Variants in ARHGAP39 observed in about 807,000 individuals in gnomAD.
ARHGAP39 encodes Rho GTPase activating protein 39, also known as rho GTPase-activating protein 39.
A neutral mutation model predicts 106.9 loss-of-function variants in ARHGAP39; 44 were observed. The observed-to-expected ratio is 0.41, with a 90% confidence interval of 0.32 to 0.53. The LOEUF (loss-of-function observed/expected upper bound fraction) is 0.53. Among genes scored for constraint, ARHGAP39 ranks in the 20% least tolerant of loss-of-function variants. ARHGAP39 has a pLI of 0.21. For synonymous variants in ARHGAP39, 768 were observed against 693.2 expected (o/e 1.11, Z -1.69); for missense variants, 1,496 against 1,577.3 (o/e 0.95, Z 0.87).
intron 1 of ARHGAP39, among the ~76,000 whole-genome samples, chr8:144,619,785 C>T (rs143924401): frequency 6.7e-4 from 84 of 125,346 alleles, no homozygotes; most frequent in Admixed American, 2.1e-3. Flanking sequence ...AGCCTGTGTC[C>T]GAGAGAGCGC....
Position 144,545,621 on chromosome 8 carries a change from C to T in ARHGAP39, c.2149G>A (p.Ala717Thr), listed in dbSNP as rs182759634. 1.2e-5 allele frequency: 20 copies of T among 1,613,650 alleles called. No homozygotes were observed. Among genetic ancestry groups the T allele is most frequent in the Middle Eastern group, 1.6e-4 (1 of 6,062 alleles). Reference protein sequence around the residue: ...QGLFRRKVSIANMLAWSSESI... With the variant: ...QGLFRRKVSITNMLAWSSESI... Reference sequence around the variant, plus strand: ...TCGCTGCTCCAGGCCAGCATGTTGGCGATGGACACCTTCCGCCGGAAGAGG... The same window carrying T: ...TCGCTGCTCCAGGCCAGCATGTTGGTGATGGACACCTTCCGCCGGAAGAGG... The change falls in exon 6 of 12, where the codon GCC (alanine) becomes ACC (threonine). Residue 717 changes from alanine (A) to threonine (T), a missense_variant. By Grantham distance (58) the Ala-to-Thr change is moderately conservative. Transcript: ENST00000377307.
Position 144,548,462 on chromosome 8 carries a change from G to A in ARHGAP39, c.624C>T (p.Gly208=), listed in dbSNP as rs1817568986. The change falls in exon 5 of 12, where the codon GGC becomes GGT. Residue 208 remains glycine, a synonymous_variant. Transcript: ENST00000377307. This position sits in a 1 kb window ranked among gnomAD's most constrained non-coding sequence, Gnocchi z 7.4. The part of the protein sequence containing the change: ...YRTSSLRWNS[G]AKERMLIKVA... The stretch of plus-strand genomic sequence containing the variant: ...CCTTGATGAGCATGCGCTCTTTGGC[G>A]CCCGAGTTCCACCGCAGCGAGGAGG... 8.1e-6 allele frequency: 13 copies of A among 1,610,292 alleles called. No individual in the cohort carries two copies. The East Asian group carries it at 8.9e-5, about 11-fold the overall frequency.
At chr8:144,541,970 G>GT (rs772087530) in intron 6 of ARHGAP39, among the ~76,000 whole-genome samples, 14 of 95,872 alleles carry the variant, frequency 1.5e-4, no homozygotes, top group Non-Finnish European at 2.3e-4. Context: ...TTCCTTTCTG[G>GT]GTTTTTTTTT....
intron 1 of ARHGAP39, among the ~76,000 whole-genome samples, chr8:144,621,199 T>C (rs1173451888): frequency 6.6e-6 from 1 of 152,266 alleles, no homozygotes; most frequent in Non-Finnish European, 1.5e-5. Flanking sequence ...GGCCAACCAG[T>C]GCCCTCTCAG....
At position 144,684,502 on chromosome 8, in the gene ARHGAP39, G is replaced by C. The variant is rs1438724883; in HGVS notation, c.-82+1184C>G. On this transcript the variant is annotated intron_variant, in intron 1 of 11. Transcript: ENST00000377307. The surrounding 1 kb of genome is among the most constrained non-coding windows in gnomAD (Gnocchi z 4.4). ...TTTCAGCAGAGGTCACTGGAGGTCTGGTTAAACCCGTACAGCACTGAGGGG... is the reference window on the plus strand; with the variant it reads ...TTTCAGCAGAGGTCACTGGAGGTCTCGTTAAACCCGTACAGCACTGAGGGG... Among the ~76,000 whole-genome samples, 1 of 152,222 alleles carries C rather than the reference G, an allele frequency of 6.6e-6. No individual in the cohort carries two copies. Among genetic ancestry groups the C allele is most frequent in the Non-Finnish European group, 1.5e-5 (1 of 68,038 alleles).
intron 2 of ARHGAP39, among the ~76,000 whole-genome samples, chr8:144,599,724 G>A (rs1819772593): frequency 6.6e-6 from 1 of 152,208 alleles, no homozygotes; most frequent in Non-Finnish European, 1.5e-5. Flanking sequence ...GAAGAAAAGA[G>A]AAAGAGCTAA....
At chr8:144,619,454 G>A (rs575268615) in intron 1 of ARHGAP39, among the ~76,000 whole-genome samples, 17 of 152,170 alleles carry the variant, frequency 1.1e-4, no homozygotes, top group Non-Finnish European at 2.1e-4. Context: ...AGGTATGCTC[G>A]TGTGCGCGTG....
rs186998400 is a variant in ARHGAP39 at position 144,569,981 on chromosome 8, G to A, written c.512+10865C>T. 3.9e-5 allele frequency among the ~76,000 whole-genome samples: 6 copies of A among 152,348 alleles called. No homozygotes were observed. In the East Asian group the frequency reaches 1.2e-3, roughly 29 times the overall value. On this transcript the variant is annotated intron_variant, in intron 3 of 11. Coordinates refer to ENST00000377307, the MANE Select transcript of ARHGAP39 (RefSeq NM_025251.3). The stretch of plus-strand genomic sequence containing the variant: ...CAGGCCTGTAATCCCAGCACTTTGG[G>A]AAGCTGGGGCGGGCAGATCACTTGA...
At chr8:144,677,980 G>A (rs992824018) in intron 1 of ARHGAP39, among the ~76,000 whole-genome samples, 9 of 152,222 alleles carry the variant, frequency 5.9e-5, no homozygotes, top group African/African-American at 2.2e-4. Context: ...CAGCCGACGT[G>A]GGAAATGTGT....
chr8:144,563,925 G>T (rs994165590), intron 3 of ARHGAP39, among the ~76,000 whole-genome samples: 1 of 152,210 alleles, frequency 6.6e-6, no homozygotes, highest in Non-Finnish European at 1.5e-5. Context: ...GCATATGTGT[G>T]AAACTTATAT....
chr8:144,530,300 G>T lies in ARHGAP39; in HGVS notation c.*122C>A. 1 of 1,089,480 alleles carries T rather than the reference G, an allele frequency of 9.2e-7. No homozygotes were observed. The allele number at this position is 1,089,480 out of a possible 1,614,324, so 67.5% of individuals were successfully genotyped here. A position where few individuals can be genotyped will look rare whatever the true frequency, so the allele number is the denominator to read the frequency against. On this transcript the variant is annotated 3_prime_UTR_variant, in exon 12 of 12. Transcript: ENST00000377307. ...GGGGAGCGCCGGGGCCAGGGGCCTG[G>T]GGGAGTGGAGGGGGCTCCAGGGCTG...
At chr8:144,691,772 G>A in the ARHGAP39 span, among the ~76,000 whole-genome samples, 1 of 151,964 alleles carries the variant, frequency 6.6e-6, no homozygotes, top group African/African-American at 2.4e-5. Flanking sequence ...AGGCTGATAA[G>A]AACAGACAAA....
chr8:144,661,038 G>A (rs1821808977), intron 1 of ARHGAP39, among the ~76,000 whole-genome samples: 1 of 152,024 alleles, frequency 6.6e-6, no homozygotes, highest in Non-Finnish European at 1.5e-5. Flanking sequence ...CTGCTCAGGA[G>A]ACTGAGGCAG....
At chr8:144,576,978 T>C (rs1818800761) in intron 3 of ARHGAP39, among the ~76,000 whole-genome samples, 1 of 152,228 alleles carries the variant, frequency 6.6e-6, no homozygotes, top group Non-Finnish European at 1.5e-5. Flanking sequence ...ACTTATGCCA[T>C]TTAAACCATA....
rs774423765 is a variant in ARHGAP39 at position 144,547,716 on chromosome 8, C to G, written c.1370G>C (p.Arg457Pro). 6.3e-7 allele frequency: 1 copy of G among 1,592,378 alleles called. No individual in the cohort carries two copies. ...DYSTMEGPEL[R>P]HSQPPTPLPQ... ...CAGCGGCGTGGGCGGCTGGCTGTGC[C>G]GCAGCTCAGGTCCCTCCATGGTGCT... Residue 457 changes from arginine (R) to proline (P), a missense_variant, in exon 5 of 12, where the codon CGG (arginine) becomes CCG (proline). Transcript: ENST00000377307. This position sits in a 1 kb window ranked among gnomAD's most constrained non-coding sequence, Gnocchi z 5.2.
In ARHGAP39 at chr8:144,538,322, G is replaced by C. The variant is rs184790265; in HGVS notation, c.2522-509C>G. Reference sequence around the variant, plus strand: ...CTGCACAGCGTAACTCCGCAGTGTTGCCACTGGCCTCGATGACCTAGCTGA... The same window carrying C: ...CTGCACAGCGTAACTCCGCAGTGTTCCCACTGGCCTCGATGACCTAGCTGA... On this transcript the variant is annotated intron_variant, in intron 6 of 11. Transcript: ENST00000377307. Among the ~76,000 whole-genome samples the C allele has an allele frequency of 4.3e-3, 649 of 152,312 alleles. 3 individuals are homozygous for C. Among genetic ancestry groups the C allele is most frequent in the African/African-American group, 0.014 (599 of 41,566 alleles).
intron 2 of ARHGAP39, among the ~76,000 whole-genome samples, chr8:144,590,841 G>A (rs964387584): frequency 6.6e-6 from 1 of 151,944 alleles, no homozygotes; most frequent in Non-Finnish European, 1.5e-5. Context: ...GTCTCCTCCT[G>A]GTCCCTGGCC....
At chr8:144,693,058 C>CTTTTTTTT in the ARHGAP39 span, among the ~76,000 whole-genome samples, 10 of 86,812 alleles carry the variant, frequency 1.2e-4, 1 homozygote, top group Admixed American at 2.8e-4. Flanking sequence ...TGCGCCCGGC[C>CTTTTTTTT]TTTTTTTTTT....
intron 1 of ARHGAP39, among the ~76,000 whole-genome samples, chr8:144,631,114 A>G (rs1821050152): frequency 6.6e-6 from 1 of 152,150 alleles, no homozygotes; most frequent in Non-Finnish European, 1.5e-5. Context: ...GACCAGATCC[A>G]TCTCGCATGA....
Sources: allele counts gnomAD v4.1 joint callset (sites outside exome capture counted in the v4.1 genomes callset), GRCh38; gene constraint gnomAD v4.1.1; non-coding constraint Gnocchi (gnomAD v3.1); transcripts MANE v1.5; gene names NCBI Gene and HGNC (gene_info 2026-07-23, HGNC 2026-07-21).